Variants in NEGR1 observed in about 807,000 individuals in gnomAD.
The protein encoded by NEGR1 is neuronal growth regulator 1, also known as IgLON family member 4.
Under a neutral mutation model 40.9 loss-of-function variants are expected in NEGR1, and 10 were observed. The observed-to-expected ratio is 0.24, with a 90% CI of 0.15 to 0.42. The LOEUF (loss-of-function observed/expected upper bound fraction) is 0.42, where lower values mean the gene tolerates loss of function less well. Ranked by LOEUF, NEGR1 falls within the 10% of genes least tolerant of loss-of-function variation. The pLI is 1.00. For missense variants in NEGR1, 352 were observed against 438.9 expected, an observed-to-expected ratio of 0.80 and a Z score of 1.77; for synonymous variants, 185 against 166.8, an observed-to-expected ratio of 1.11 and a Z score of -0.84.
intron 1 of NEGR1, among the ~76,000 whole-genome samples, chr1:72,216,786 A>G (rs1432162730): frequency 6.6e-6 from 1 of 151,508 alleles, no homozygotes; most frequent in Non-Finnish European, 1.5e-5. Context: ...GGTATTTATA[A>G]TAGTGTCTAG....
rs1047852964 is a variant in NEGR1, at chr1:71,879,175, CCTAT to C, written c.409+55900_409+55903del. 1.4e-4 allele frequency among the ~76,000 whole-genome samples: 21 copies of C among 151,554 alleles called. No homozygotes were observed. In the Middle Eastern group the frequency reaches 0.01, roughly 74 times the overall value. ...AGCAACAAGGATAATGCATGAAAAC[CCTAT>C]CTATTTGCCATCAAAAAAAATTATA... On this transcript the variant is annotated intron_variant, in intron 2 of 6. Coordinates refer to ENST00000357731, the MANE Select transcript of NEGR1 (RefSeq NM_173808.3).
At chr1:72,176,388 T>G (rs892805977) in intron 1 of NEGR1, among the ~76,000 whole-genome samples, 2 of 152,074 alleles carry the variant, frequency 1.3e-5, no homozygotes, top group Non-Finnish European at 2.9e-5. Flanking sequence ...ATACACAATC[T>G]TAAGACTTTG....
chr1:71,964,238 GA>G (rs373649409), intron 1 of NEGR1, among the ~76,000 whole-genome samples: 77 of 152,254 alleles, frequency 5.1e-4, no homozygotes, highest in African/African-American at 1.1e-3. Flanking sequence ...TCGAAAGGCA[GA>G]GTTTAAAAAC....
chr1:71,568,563 T>C (rs1648695306), intron 6 of NEGR1, among the ~76,000 whole-genome samples: 1 of 152,088 alleles, frequency 6.6e-6, no homozygotes, highest in South Asian at 2.1e-4. Context: ...TCTGGTTGAG[T>C]ATTGAATTTC....
At chr1:71,542,635 C>G (rs1382042324) in intron 6 of NEGR1, among the ~76,000 whole-genome samples, 4 of 151,726 alleles carry the variant, frequency 2.6e-5, no homozygotes, top group Non-Finnish European at 5.9e-5. Context: ...GGCCTTTTCA[C>G]TCCCAATCGA....
At chr1:71,912,166 C>T (rs1661436518) in intron 2 of NEGR1, among the ~76,000 whole-genome samples, 1 of 152,160 alleles carries the variant, frequency 6.6e-6, no homozygotes, top group South Asian at 2.1e-4. Context: ...AGGGCGAAGA[C>T]CAAGGTGTGG....
intron 1 of NEGR1, among the ~76,000 whole-genome samples, chr1:71,950,908 C>T (rs1221281721): frequency 1.3e-5 from 2 of 151,916 alleles, no homozygotes; most frequent in South Asian, 2.1e-4. Context: ...TCTACTTGGA[C>T]TCTCTAATTA....
At chr1:71,755,211 A>G (rs959501825) in intron 3 of NEGR1, among the ~76,000 whole-genome samples, 1 of 152,070 alleles carries the variant, frequency 6.6e-6, no homozygotes, top group East Asian at 1.9e-4. Flanking sequence ...GGCATTCCCC[A>G]TCTCCAATCT....
At chr1:71,619,363 T>C (rs1650544125) in intron 4 of NEGR1, among the ~76,000 whole-genome samples, 1 of 152,094 alleles carries the variant, frequency 6.6e-6, no homozygotes, top group South Asian at 2.1e-4. Context: ...GCACCTGAAG[T>C]GTAAGCTGTT....
chr1:71,775,471 G>T (rs565488213), intron 3 of NEGR1, among the ~76,000 whole-genome samples: 1 of 150,936 alleles, frequency 6.6e-6, no homozygotes, highest in Non-Finnish European at 1.5e-5. Context: ...TCAGCCTCCC[G>T]AGTAGTTGGG....
chr1:71,586,394 A>C (rs1649307373), intron 6 of NEGR1, among the ~76,000 whole-genome samples: 1 of 152,210 alleles, frequency 6.6e-6, no homozygotes, highest in Admixed American at 6.5e-5. Context: ...TCTCCAACTT[A>C]ACCAAACTAA....
chr1:71,949,804 C>A (rs962295703), intron 1 of NEGR1, among the ~76,000 whole-genome samples: 3 of 152,024 alleles, frequency 2.0e-5, no homozygotes, highest in Non-Finnish European at 4.4e-5. Flanking sequence ...GTTCATTTTA[C>A]TTTAAAAATA....
At chr1:71,671,069 T>C (rs1386799308) in intron 4 of NEGR1, among the ~76,000 whole-genome samples, 1 of 141,382 alleles carries the variant, frequency 7.1e-6, no homozygotes, top group African/African-American at 2.8e-5. Context: ...ATTATAACTA[T>C]TTATTGTTAT....
chr1:71,487,993 G>T (rs1470818932), intron 6 of NEGR1: 1 of 151,690 alleles, frequency 6.6e-6, no homozygotes, highest in African/African-American at 2.4e-5. Context: ...TGCTGTAGAG[G>T]CTGGAAAGCT....
chr1:71,808,818 TTAGAG>T (rs1335273697), intron 2 of NEGR1, among the ~76,000 whole-genome samples: 5 of 152,174 alleles, frequency 3.3e-5, no homozygotes, highest in African/African-American at 1.2e-4. Context: ...TTTCCTCCTC[TTAGAG>T]TAAACTATCT....
Position 71,452,274 on chromosome 1 carries a change from A to T in NEGR1, c.941-44704T>A, listed in dbSNP as rs1185408983. ...TGCAAAGGTCATCCTCAATGATATC[A>T]CTACACATTACATTTGACAGAATAT... On this transcript the variant is annotated intron_variant, in intron 6 of 6. Transcript: ENST00000357731. Among the ~76,000 whole-genome samples, 4 of 152,216 alleles carry T rather than the reference A, an allele frequency of 2.6e-5. No homozygotes were observed. In the East Asian group the frequency reaches 7.7e-4, roughly 29 times the overall value.
intron 6 of NEGR1, chr1:71,486,870 A>C (rs1193507708): frequency 6.6e-6 from 1 of 151,620 alleles, no homozygotes; most frequent in African/African-American, 2.4e-5. Flanking sequence ...TATTTTTAAA[A>C]TTCATACAGT....
intron 2 of NEGR1, among the ~76,000 whole-genome samples, chr1:71,927,901 G>A (rs1052962657): frequency 2.6e-4 from 38 of 145,560 alleles, no homozygotes; most frequent in African/African-American, 9.7e-4. Flanking sequence ...GAGAGGCTGA[G>A]GTGGGAGGAT....
intron 6 of NEGR1, among the ~76,000 whole-genome samples, chr1:71,471,134 T>C (rs1646779121): frequency 2.6e-5 from 4 of 152,144 alleles, no homozygotes; most frequent in South Asian, 4.1e-4. Context: ...AATGTGATAT[T>C]ACTATTCCAT....
Sources: allele counts gnomAD v4.1 joint callset (sites outside exome capture counted in the v4.1 genomes callset), GRCh38; gene constraint gnomAD v4.1.1; transcripts MANE v1.5; gene names NCBI Gene and HGNC (gene_info 2026-07-23, HGNC 2026-07-21).